Variants in SRGAP1 observed in about 807,000 individuals in gnomAD.
SRGAP1 encodes SLIT-ROBO Rho GTPase activating protein 1.
SRGAP1 carries 43 observed loss-of-function variants against 121.9 expected under a neutral mutation model. The observed-to-expected ratio is 0.35, with a 90% CI of 0.28 to 0.46. The LOEUF is 0.46. Among genes scored for constraint, SRGAP1 ranks in the 20% least tolerant of loss-of-function variants. The probability of loss-of-function intolerance (pLI) is 1.00; values close to 1 mark genes in which losing one functional copy is unlikely to be tolerated. For synonymous variants in SRGAP1, 447 were observed against 485.4 expected (o/e 0.92, Z 1.04); for missense variants, 1,102 against 1,350.9 (o/e 0.82, Z 2.89).
In SRGAP1 at chr12:64,111,744, T is replaced by C; in HGVS notation, c.1920-18T>C. 1 of 1,563,740 alleles carries C rather than the reference T, an allele frequency of 6.4e-7. No individual in the cohort carries two copies. The highest frequency in any genetic ancestry group is 1.2e-5 in the South Asian group (1 of 84,722). On this transcript the variant is annotated intron_variant, in intron 16 of 21. Coordinates refer to ENST00000355086, the MANE Select transcript of SRGAP1 (RefSeq NM_020762.4). ...TCTCTTTGTTCTTTTATAACTCCTTTCTTGTTTCCTTTTGTAGTCTATCAC... is the reference window on the plus strand; with the variant it reads ...TCTCTTTGTTCTTTTATAACTCCTTCCTTGTTTCCTTTTGTAGTCTATCAC...
rs1565702976 is a variant in SRGAP1 at position 64,147,265 on chromosome 12, AATGTACATCTGTAGT to A, written c.*4602_*4616del. ...CTTGTGACTGTTACCTAATTGTGTCAATGTACATCTGTAGTATGTACATGTGAAAGTGCCTTTCTA... is the reference window on the plus strand; with the variant it reads ...CTTGTGACTGTTACCTAATTGTGTCAATGTACATGTGAAAGTGCCTTTCTA... On this transcript the variant is annotated 3_prime_UTR_variant, in exon 22 of 22. Transcript: ENST00000355086. 2.6e-6 allele frequency: 1 copy of A among 386,832 alleles called. No homozygotes were observed. The highest frequency in any genetic ancestry group is 4.5e-5 in the Admixed American group (1 of 22,298). The allele number at this position is 386,832 out of a possible 1,614,324, so 24.0% of individuals were successfully genotyped here. A position where few individuals can be genotyped will look rare whatever the true frequency, so the allele number is the denominator to read the frequency against.
At chr12:64,007,215 A>G (rs568166927) in intron 3 of SRGAP1, among the ~76,000 whole-genome samples, 1 of 152,318 alleles carries the variant, frequency 6.6e-6, no homozygotes, top group Non-Finnish European at 1.5e-5. Flanking sequence ...ACTGTGTCAT[A>G]TAAGGCAGTG....
chr12:64,048,895 GTTAT>G (rs1239637407), intron 6 of SRGAP1, among the ~76,000 whole-genome samples: 2 of 152,032 alleles, frequency 1.3e-5, no homozygotes, highest in Non-Finnish European at 2.9e-5. Context: ...ATATGCTCTG[GTTAT>G]TTATCTCTTG....
intron 10 of SRGAP1, among the ~76,000 whole-genome samples, chr12:64,083,431 C>T (rs1050340649): frequency 1.3e-5 from 2 of 152,166 alleles, no homozygotes; most frequent in Non-Finnish European, 2.9e-5. Context: ...GGTAGGCTGC[C>T]AATGGCCCAG....
At chr12:64,054,083 G>A (rs565047250) in intron 6 of SRGAP1, among the ~76,000 whole-genome samples, 6 of 152,144 alleles carry the variant, frequency 3.9e-5, no homozygotes, top group South Asian at 4.1e-4. Flanking sequence ...AATTCTATCC[G>A]TGCTTTCTCC....
Position 64,097,414 on chromosome 12 carries a change from A to T in SRGAP1, c.1813+39A>T, listed in dbSNP as rs748746435. 21 of 1,605,972 alleles carry T rather than the reference A, an allele frequency of 1.3e-5. No individual in the cohort carries two copies. The Middle Eastern group carries it at 3.2e-3, about 242-fold the overall frequency. The stretch of plus-strand genomic sequence containing the variant: ...TTTTTCATCTTTTCCCACAAGAATT[A>T]TTTCACTAGCTAACTTCCTGGAAAA... On this transcript the variant is annotated intron_variant, in intron 15 of 21. Transcript: ENST00000355086.
chr12:64,137,963 T>A (rs28733892), intron 21 of SRGAP1, among the ~76,000 whole-genome samples: 49,827 of 106,230 alleles, frequency 0.47, 8,854 homozygotes, highest in South Asian at 0.52. Flanking sequence ...AAAAAAAAAA[T>A]ATATATATAT....
Position 64,157,803 on chromosome 12 carries a change from C to A in SRGAP1, c.*15131C>A, listed in dbSNP as rs553731880. 6.6e-6 allele frequency: 1 copy of A among 152,092 alleles called. No individual in the cohort carries two copies. The highest frequency in any genetic ancestry group is 2.4e-5 in the African/African-American group (1 of 41,504). The allele number at this position is 152,092 out of a possible 1,614,324, so 9.4% of individuals were successfully genotyped here. On this transcript the variant is annotated 3_prime_UTR_variant, in exon 22 of 22. Transcript: ENST00000355086. ...TGATGCTAGCTGCTGTAACAAACAA[C>A]CCCCCAAACTCAGTAACACAATCAA...
intron 1 of SRGAP1, among the ~76,000 whole-genome samples, chr12:63,967,627 T>C (rs1399245285): frequency 6.6e-6 from 1 of 152,162 alleles, no homozygotes; most frequent in Non-Finnish European, 1.5e-5. Context: ...GGAATGGGCT[T>C]GGGGGGATTT....
chr12:63,864,648 G>C lies in SRGAP1; in HGVS notation c.67+19765G>C, dbSNP rs555764639. Reference sequence around the variant, plus strand: ...GTCACATAGAATGCTCAAAATATGTGAAAGTATTACCACTTTTATGAACTC... The same window carrying C: ...GTCACATAGAATGCTCAAAATATGTCAAAGTATTACCACTTTTATGAACTC... On this transcript the variant is annotated intron_variant, in intron 1 of 21. Coordinates refer to ENST00000355086, the MANE Select transcript of SRGAP1 (RefSeq NM_020762.4). Among the ~76,000 whole-genome samples the C allele has an allele frequency of 3.9e-5, 6 of 152,274 alleles. No homozygotes were observed. In the South Asian group the frequency reaches 1.2e-3, roughly 32 times the overall value.
rs372004241 is a variant in SRGAP1 at position 64,016,734 on chromosome 12, C to T, written c.427-216C>T. On this transcript the variant is annotated intron_variant, in intron 3 of 21. Coordinates refer to ENST00000355086, the MANE Select transcript of SRGAP1 (RefSeq NM_020762.4). ...AAGTCTGTTTGGATGGCGGGGGAGC[C>T]GTTCACCCATGGTTGTCACTTGTTT... Among the ~76,000 whole-genome samples the T allele has an allele frequency of 9.8e-4, 149 of 152,166 alleles. 1 individual carries two copies. The highest frequency in any genetic ancestry group is 3.5e-3 in the African/African-American group (144 of 41,510).
intron 4 of SRGAP1, 41 bp from the exon 5 acceptor site, chr12:64,042,749 C>T (rs533864094): frequency 6.5e-7 from 1 of 1,529,616 alleles, no homozygotes; most frequent in South Asian, 1.1e-5. Context: ...CTCTAAATGA[C>T]AGACAGACAT....
chr12:64,102,271 T>G (rs1251609266), intron 15 of SRGAP1, among the ~76,000 whole-genome samples: 1 of 152,232 alleles, frequency 6.6e-6, no homozygotes, highest in Non-Finnish European at 1.5e-5. Flanking sequence ...AATTAACATG[T>G]TATCACTGTA....
At chr12:64,125,315 G>A (rs968903269) in intron 18 of SRGAP1, among the ~76,000 whole-genome samples, 1 of 151,864 alleles carries the variant, frequency 6.6e-6, no homozygotes, top group African/African-American at 2.4e-5. Context: ...TTTTAATTTG[G>A]ACAGAGGGCA....
chr12:64,137,260 C>G lies in SRGAP1; in HGVS notation c.2881-5035C>G, dbSNP rs946873595. 2.0e-5 allele frequency among the ~76,000 whole-genome samples: 3 copies of G among 148,170 alleles called. 1 individual carries two copies. Among genetic ancestry groups the G allele is most frequent in the African/African-American group, 7.8e-5 (3 of 38,580 alleles). ...TTCCAGCCTAGGTGACACAGTGAGA[C>G]TCCGTCTCAAAAAAAAAAAAATGTA... On this transcript the variant is annotated intron_variant, in intron 21 of 21. Coordinates refer to ENST00000355086, the MANE Select transcript of SRGAP1 (RefSeq NM_020762.4).
chr12:64,045,090 AG>A (rs1241660186), intron 6 of SRGAP1, among the ~76,000 whole-genome samples: 1 of 152,158 alleles, frequency 6.6e-6, no homozygotes, highest in Non-Finnish European at 1.5e-5. Flanking sequence ...AAATAAAACC[AG>A]GGAAATTTTT....
intron 3 of SRGAP1, among the ~76,000 whole-genome samples, chr12:64,012,551 CTTTTTTTTTTT>C (rs386376760): frequency 3.9e-5 from 3 of 77,662 alleles, no homozygotes; most frequent in African/African-American, 5.8e-5. Flanking sequence ...AAGTTATTAT[CTTTTTTTTTTT>C]TTTTTTTTTT....
At chr12:63,847,190 GC>G (rs1898930506) in intron 1 of SRGAP1, among the ~76,000 whole-genome samples, 1 of 151,820 alleles carries the variant, frequency 6.6e-6, no homozygotes. Flanking sequence ...ACAAAAATTA[GC>G]TAGGTGTGGT....
intron 21 of SRGAP1, among the ~76,000 whole-genome samples, chr12:64,139,797 T>A (rs1592357666): frequency 3.9e-5 from 6 of 152,178 alleles, no homozygotes; most frequent in Admixed American, 3.9e-4. Flanking sequence ...TTTGGTGTTT[T>A]AGACATGAAG....
Sources: gnomAD v4.1 joint callset for allele counts (sites outside exome capture counted in the v4.1 genomes callset) on GRCh38, gnomAD v4.1.1 for gene constraint, MANE v1.5 for transcripts, NCBI Gene and HGNC (gene_info 2026-07-23, HGNC 2026-07-21) for gene names.